Variants in TMEM131L observed in about 807,000 individuals in gnomAD.
TMEM131L encodes transmembrane protein 131-like.
In TMEM131L, 54 loss-of-function variants were observed where a neutral mutation model predicts 192.2. The observed-to-expected ratio is 0.28, with a 90% CI of 0.23 to 0.35. TMEM131L has a LOEUF of 0.35. Ranked by LOEUF, TMEM131L falls within the 10% of genes least tolerant of loss-of-function variation. The pLI is 1.00. For synonymous variants in TMEM131L, 701 were observed against 704.9 expected (o/e 0.99, Z 0.09); for missense variants, 1,888 against 1,972.9 (o/e 0.96, Z 0.82).
At chr4:153,505,567 C>A (rs983244834) in intron 3 of TMEM131L, among the ~76,000 whole-genome samples, 1 of 152,086 alleles carries the variant, frequency 6.6e-6, no homozygotes, top group African/African-American at 2.4e-5. Flanking sequence ...TTGTAAGAAA[C>A]ATAATTCAGC....
At chr4:153,489,721 C>A (rs958520965) in intron 3 of TMEM131L, among the ~76,000 whole-genome samples, 2 of 152,056 alleles carry the variant, frequency 1.3e-5, no homozygotes, top group African/African-American at 2.4e-5. Context: ...CATGGTCCAC[C>A]CACCTTGGCC....
intron 20 of TMEM131L, among the ~76,000 whole-genome samples, chr4:153,597,443 T>C (rs1234262025): frequency 6.6e-6 from 1 of 152,182 alleles, no homozygotes; most frequent in Non-Finnish European, 1.5e-5. Flanking sequence ...GTTTCTGTCC[T>C]GTAAATAACA....
At chr4:153,484,956 A>G (rs1050791627) in intron 3 of TMEM131L, among the ~76,000 whole-genome samples, 1 of 148,994 alleles carries the variant, frequency 6.7e-6, no homozygotes, top group East Asian at 2.0e-4. Flanking sequence ...CGTCTCTACT[A>G]AAAATACAAA....
chr4:153,502,973 C>CTT (rs397755880), intron 3 of TMEM131L, among the ~76,000 whole-genome samples: 132 of 150,216 alleles, frequency 8.8e-4, no homozygotes, highest in African/African-American at 2.7e-3. Flanking sequence ...GCAGGGTCAT[C>CTT]TTTTTTTTTT....
At chr4:153,582,448 T>A (rs1449819740) in intron 9 of TMEM131L, among the ~76,000 whole-genome samples, 2 of 139,340 alleles carry the variant, frequency 1.4e-5, no homozygotes, top group Non-Finnish European at 3.1e-5. Flanking sequence ...TTTTTTTTTT[T>A]TTTTTTTTTT....
In TMEM131L at chr4:153,627,645, C is replaced by A. The variant is rs1227976108; in HGVS notation, c.4165C>A (p.Pro1389Thr). 1 of 1,614,120 alleles carries A rather than the reference C, an allele frequency of 6.2e-7. No individual in the cohort carries two copies. The stretch of plus-strand genomic sequence containing the variant: ...CCCACAATACGCAGAGCCTTCCTGT[C>A]CCAGCCTTCCTGCCGGGCCCACAGG... Reference protein sequence around the residue: ...SLPQYAEPSCPSLPAGPTGVE... With the variant: ...SLPQYAEPSCTSLPAGPTGVE... The change falls in exon 31 of 35, where the codon CCC (proline) becomes ACC (threonine). Residue 1389 changes from proline to threonine, a missense_variant. By Grantham distance (38) the Pro-to-Thr change is conservative (BLOSUM62 -1). Coordinates refer to ENST00000409959, the MANE Select transcript of TMEM131L (RefSeq NM_001131007.2).
intron 3 of TMEM131L, among the ~76,000 whole-genome samples, chr4:153,497,878 C>CAAAAAAAA (rs200874155): frequency 2.0e-4 from 14 of 70,320 alleles, no homozygotes; most frequent in African/African-American, 5.0e-4. Context: ...GAAAAATTTC[C>CAAAAAAAA]AAAAAAAAAA....
rs1734506837 is a variant in TMEM131L, at chr4:153,635,508, T to C, written c.4494T>C (p.Ser1498=). Residue 1498 remains serine, a synonymous_variant, in exon 34 of 35, where the codon TCT becomes TCC. Coordinates refer to ENST00000409959, the MANE Select transcript of TMEM131L (RefSeq NM_001131007.2). Reference sequence around the variant, plus strand: ...ACTTTATTGATCACAACTCTCAGTCTACCTGGAACACCCCACCCAACATGC... The same window carrying C: ...ACTTTATTGATCACAACTCTCAGTCCACCTGGAACACCCCACCCAACATGC... ...QTDFIDHNSQ[S]TWNTPPNMPA... is the part of the protein sequence containing the mutation. The C allele has an allele frequency of 6.2e-7, 1 of 1,614,154 alleles. No individual in the cohort carries two copies. The highest frequency in any genetic ancestry group is 2.2e-5 in the East Asian group (1 of 44,890).
chr4:153,515,200 TCATCAAC>T (rs1734648226), intron 3 of TMEM131L, among the ~76,000 whole-genome samples: 1 of 152,218 alleles, frequency 6.6e-6, no homozygotes, highest in Admixed American at 6.5e-5. Context: ...TCAGAAATTT[TCATCAAC>T]TTATTAGAAA....
At chr4:153,547,127 T>G (rs919144897) in intron 3 of TMEM131L, among the ~76,000 whole-genome samples, 4 of 152,206 alleles carry the variant, frequency 2.6e-5, no homozygotes, top group African/African-American at 9.7e-5. Context: ...AATAACTTAT[T>G]TTATGACTCT....
intron 3 of TMEM131L, among the ~76,000 whole-genome samples, chr4:153,505,109 C>CTTT (rs34450106): frequency 1.4e-4 from 20 of 141,332 alleles, no homozygotes; most frequent in African/African-American, 4.7e-4. Context: ...TTCTTTCTTT[C>CTTT]TTTTTTTTTT....
In TMEM131L at chr4:153,555,899, G is replaced by A; in HGVS notation, c.421G>A (p.Val141Ile). 1 of 1,551,388 alleles carries A rather than the reference G, an allele frequency of 6.4e-7. No homozygotes were observed. Among genetic ancestry groups the A allele is most frequent in the Non-Finnish European group, 8.7e-7 (1 of 1,146,810 alleles). Residue 141 changes from valine (V) to isoleucine (I), a missense_variant, in exon 5 of 35, where the codon GTT becomes ATT. Physicochemically the swap from Val to Ile is conservative, Grantham distance 29. Transcript: ENST00000409959. The surrounding 1 kb of genome is among the most constrained non-coding windows in gnomAD (Gnocchi z 4.1). ...TGCTGGACATTTCCATGTACCGCCAGTTCCCTGCAGGGTGGGTGTTGATGG... is the reference window on the plus strand; with the variant it reads ...TGCTGGACATTTCCATGTACCGCCAATTCCCTGCAGGGTGGGTGTTGATGG... ...AAAGHFHVPP[V>I]PCRVIPAMGK...
At chr4:153,626,835 C>T (rs1182420533) in intron 30 of TMEM131L, among the ~76,000 whole-genome samples, 1 of 152,172 alleles carries the variant, frequency 6.6e-6, no homozygotes, top group Non-Finnish European at 1.5e-5. Flanking sequence ...GAATCATTTA[C>T]CCTTTGCTAG....
At chr4:153,535,913 A>G (rs1736282653) in intron 3 of TMEM131L, among the ~76,000 whole-genome samples, 1 of 152,160 alleles carries the variant, frequency 6.6e-6, no homozygotes, top group Admixed American at 6.5e-5. Context: ...TGTCACGGCA[A>G]CGGCAGCACT....
At chr4:153,635,631 T>C (rs1734517235) in intron 34 of TMEM131L, 60 bp downstream of exon 34, 1 of 1,586,682 alleles carries the variant, frequency 6.3e-7, no homozygotes, top group East Asian at 2.2e-5. Context: ...TTTCCACTGC[T>C]TCCTTAATCC....
At chr4:153,498,426 A>G (rs560174039) in intron 3 of TMEM131L, among the ~76,000 whole-genome samples, 1 of 152,324 alleles carries the variant, frequency 6.6e-6, no homozygotes, top group South Asian at 2.1e-4. Flanking sequence ...ACATCCTGGA[A>G]CATGTGTTTC....
intron 3 of TMEM131L, among the ~76,000 whole-genome samples, chr4:153,501,478 G>A (rs920341352): frequency 6.6e-6 from 1 of 152,148 alleles, no homozygotes; most frequent in Non-Finnish European, 1.5e-5. Context: ...GGGATTACAG[G>A]TATGGGCCAC....
chr4:153,598,640 G>A lies in TMEM131L; in HGVS notation c.2174G>A (p.Arg725Lys), dbSNP rs1731616924. ...DMIGVEGFGARELLKVGGRLP... is the reference protein window; with the variant it reads ...DMIGVEGFGAKELLKVGGRLP... ...ATTGGCGTGGAAGGATTTGGAGCAA[G>A]AGAGTTATTAAAAGTGGGTGGAAGA... Residue 725 changes from arginine to lysine, a missense_variant, in exon 21 of 35, where the codon AGA (arginine) becomes AAA (lysine). Transcript: ENST00000409959. 6.2e-7 allele frequency: 1 copy of A among 1,613,822 alleles called. No homozygotes were observed. The highest frequency in any genetic ancestry group is 1.1e-5 in the South Asian group (1 of 91,076).
At chr4:153,567,528 A>G (rs1350441449) in intron 7 of TMEM131L, among the ~76,000 whole-genome samples, 1 of 144,926 alleles carries the variant, frequency 6.9e-6, no homozygotes, top group Non-Finnish European at 1.5e-5. Context: ...AGAAAGCTAG[A>G]TTTTTTTTTT....
Sources: gnomAD v4.1 joint callset for allele counts (sites outside exome capture counted in the v4.1 genomes callset) on GRCh38, gnomAD v4.1.1 for gene constraint, Gnocchi (gnomAD v3.1) non-coding constraint, MANE v1.5 for transcripts, NCBI Gene and HGNC (gene_info 2026-07-23, HGNC 2026-07-21) for gene names.